WDPCP: variants seen among roughly 807,000 people sequenced by gnomAD.
WDPCP encodes WD repeat containing planar cell polarity effector, also known as WD repeat-containing and planar cell polarity effector protein fritz homolog.
A neutral mutation model predicts 93.1 loss-of-function variants in WDPCP; 71 were observed. The ratio of observed to expected loss-of-function variants is 0.76; its 90% confidence interval spans 0.63 to 0.93. WDPCP has a LOEUF of 0.93. WDPCP is among the 40% of genes least tolerant of loss of function. The pLI is 0.00. For synonymous variants in WDPCP, 315 were observed against 315.0 expected (o/e 1.00, Z 0.00); for missense variants, 844 against 887.4 (o/e 0.95, Z 0.62).
chr2:63,455,998 T>C (rs77983766), intron 6 of WDPCP, among the ~76,000 whole-genome samples: 3,109 of 152,154 alleles, frequency 0.02, 123 homozygotes, highest in African/African-American at 0.071. Context: ...TGAAATAAAA[T>C]GAGGAATCAC....
intron 1 of WDPCP, among the ~76,000 whole-genome samples, chr2:63,544,429 T>C (rs887013324): frequency 7.9e-5 from 12 of 152,190 alleles, no homozygotes; most frequent in Non-Finnish European, 1.6e-4. Flanking sequence ...ATTTTAATTA[T>C]AATCTATTTA....
intron 6 of WDPCP, among the ~76,000 whole-genome samples, chr2:63,470,736 C>G (rs780580178): frequency 8.5e-5 from 13 of 152,186 alleles, no homozygotes; most frequent in Non-Finnish European, 1.6e-4. Context: ...AGAGTAAAAG[C>G]CAAGCCCTCT....
In WDPCP at chr2:63,575,485, A is replaced by ACAGCGTATGCGCTG. The variant is rs1157089103; in HGVS notation, c.75+12711_75+12712insCAGCGCATACGCTG. On this transcript the variant is annotated intron_variant, in intron 1 of 17. Coordinates refer to ENST00000272321, the MANE Select transcript of WDPCP (RefSeq NM_015910.7). ...TATATATGCAGTATATACAGTGTAT[A>ACAGCGTATGCGCTG]TATAGTATATACAGTATATACACTG... 3.8e-5 allele frequency among the ~76,000 whole-genome samples: 2 copies of ACAGCGTATGCGCTG among 52,084 alleles called. 1 individual carries two copies. The highest frequency in any genetic ancestry group is 1.6e-4 in the African/African-American group (2 of 12,782). The allele number at this position is 52,084 out of a possible 152,430, so 34.2% of individuals were successfully genotyped here.
Position 63,549,131 on chromosome 2 carries a change from C to T in WDPCP, c.75+39066G>A, listed in dbSNP as rs553525552. ...GGGCATGGTGGCTGACGCCTGTAAT[C>T]CCAGCTACTCAGGAGGCTGAGGCAG... On this transcript the variant is annotated intron_variant, in intron 1 of 17. Transcript: ENST00000272321. Among the ~76,000 whole-genome samples the T allele has an allele frequency of 5.7e-4, 87 of 151,540 alleles. No individual in the cohort carries two copies. In the Middle Eastern group the frequency reaches 0.014, roughly 24 times the overall value.
At chr2:63,412,690 T>C (rs959418352) in intron 9 of WDPCP, among the ~76,000 whole-genome samples, 14 of 152,006 alleles carry the variant, frequency 9.2e-5, no homozygotes, top group African/African-American at 3.4e-4. Flanking sequence ...AGTTTCTGTA[T>C]ACAAGATTAA....
intron 13 of WDPCP, among the ~76,000 whole-genome samples, chr2:63,283,019 AT>A (rs535458149): frequency 1.1e-4 from 16 of 151,832 alleles, no homozygotes; most frequent in African/African-American, 3.6e-4. Flanking sequence ...ATTTCGTGGA[AT>A]TTTTTTTTCT....
intron 2 of WDPCP, among the ~76,000 whole-genome samples, chr2:63,678,392 C>A (rs76193333): frequency 0.019 from 2,954 of 152,244 alleles, 51 homozygotes; most frequent in Non-Finnish European, 0.027. Flanking sequence ...CACAGGGCAC[C>A]CCAATTGCAA....
intron 9 of WDPCP, among the ~76,000 whole-genome samples, chr2:63,425,776 G>C (rs370178296): frequency 1.3e-5 from 2 of 152,204 alleles, no homozygotes; most frequent in East Asian, 1.9e-4. Flanking sequence ...GGGAAGAAGA[G>C]AGAGTAAGCA....
At chr2:63,470,734 A>T (rs920010140) in intron 6 of WDPCP, among the ~76,000 whole-genome samples, 2 of 152,198 alleles carry the variant, frequency 1.3e-5, no homozygotes, top group African/African-American at 4.8e-5. Context: ...TTAGAGTAAA[A>T]GCCAAGCCCT....
chr2:63,326,516 A>G (rs1447157832), intron 12 of WDPCP, among the ~76,000 whole-genome samples: 1 of 151,860 alleles, frequency 6.6e-6, no homozygotes, highest in African/African-American at 2.4e-5. Context: ...GCAGAAAGGA[A>G]AGAGAGAAAG....
chr2:63,454,590 G>A (rs1481844096), intron 6 of WDPCP, among the ~76,000 whole-genome samples: 1 of 152,048 alleles, frequency 6.6e-6, no homozygotes, highest in Non-Finnish European at 1.5e-5. Flanking sequence ...ACCAAGTACA[G>A]GAGTTATCAG....
chr2:63,280,165 G>C (rs1683418281), intron 13 of WDPCP, among the ~76,000 whole-genome samples: 1 of 152,104 alleles, frequency 6.6e-6, no homozygotes, highest in Admixed American at 6.6e-5. Flanking sequence ...TAGTTCATTT[G>C]CATGCTGCTG....
At chr2:63,173,994 C>T (rs886816563) in intron 15 of WDPCP, among the ~76,000 whole-genome samples, 2 of 151,860 alleles carry the variant, frequency 1.3e-5, no homozygotes, top group African/African-American at 4.8e-5. Context: ...CTGCCATTCT[C>T]ATTCATTTAT....
intron 1 of WDPCP, among the ~76,000 whole-genome samples, chr2:63,509,539 C>G (rs186107017): frequency 6.6e-6 from 1 of 152,130 alleles, no homozygotes; most frequent in East Asian, 1.9e-4. Context: ...GAAGAGCAAA[C>G]AAATTCAAAA....
intron 1 of WDPCP, among the ~76,000 whole-genome samples, chr2:63,564,870 C>T (rs1371738590): frequency 2.6e-5 from 4 of 151,564 alleles, no homozygotes; most frequent in Non-Finnish European, 4.4e-5. Flanking sequence ...CTCCACCTCC[C>T]AGGTTCAAGC....
At chr2:63,375,525 T>C (rs1691777225) in intron 12 of WDPCP, among the ~76,000 whole-genome samples, 1 of 151,918 alleles carries the variant, frequency 6.6e-6, no homozygotes, top group South Asian at 2.1e-4. Flanking sequence ...TTTATGAAAA[T>C]TGATCACTTT....
upstream of WDPCP, chr2:63,589,322 G>A (rs1222053522): frequency 2.6e-6 from 4 of 1,550,658 alleles, no homozygotes; most frequent in African/African-American, 2.7e-5. Flanking sequence ...ATGACGGGAG[G>A]ACAAAATGCG....
chr2:63,246,401 G>C (rs1680276686), intron 14 of WDPCP, among the ~76,000 whole-genome samples: 1 of 152,108 alleles, frequency 6.6e-6, no homozygotes, highest in African/African-American at 2.4e-5. Flanking sequence ...TCTTCCATCT[G>C]AAATTCTCAT....
At chr2:63,704,847 T>C (rs111767579) in intron 2 of WDPCP, among the ~76,000 whole-genome samples, 2,545 of 152,308 alleles carry the variant, frequency 0.017, 22 homozygotes, top group African/African-American at 0.018. Context: ...CTTTTTCTAT[T>C]GATTGGGATA....
Sources: allele counts gnomAD v4.1 joint callset (sites outside exome capture counted in the v4.1 genomes callset), GRCh38; gene constraint gnomAD v4.1.1; transcripts MANE v1.5; gene names NCBI Gene and HGNC (gene_info 2026-07-23, HGNC 2026-07-21).